Variants in DLG2 observed in about 807,000 individuals in gnomAD.
DLG2 encodes disks large homolog 2.
In DLG2, 45 loss-of-function variants were observed where a neutral mutation model predicts 132.5. The observed-to-expected ratio is 0.34, with a 90% confidence interval of 0.27 to 0.44. The LOEUF (loss-of-function observed/expected upper bound fraction) is 0.44, where lower values mean the gene tolerates loss of function less well. Ranked by LOEUF, DLG2 falls within the 20% of genes least tolerant of loss-of-function variation. The pLI, the probability that DLG2 is intolerant of heterozygous loss-of-function variation, is 1.00. For synonymous variants in DLG2, 424 were observed against 419.6 expected, an observed-to-expected ratio of 1.01 and a Z score of -0.13; for missense variants, 1,045 against 1,196.9, an observed-to-expected ratio of 0.87 and a Z score of 1.87.
In DLG2 at chr11:84,131,509, T is replaced by TTTCA. The variant is rs539584408; in HGVS notation, c.624+31948_624+31951dup. On this transcript the variant is annotated intron_variant, in intron 9 of 27. Coordinates refer to ENST00000376104, the MANE Select transcript of DLG2 (RefSeq NM_001142699.3). ...TTGGTGTTTCTTTCACCCTATAGAA[T>TTTCA]TTCATTCATTCATTCATTCATATTT... Among the ~76,000 whole-genome samples, 518 of 152,036 alleles carry TTTCA rather than the reference T, an allele frequency of 3.4e-3. 3 individuals are homozygous for TTTCA. The highest frequency in any genetic ancestry group is 0.012 in the African/African-American group (485 of 41,498).
At chr11:84,147,860 G>A (rs370787017) in intron 9 of DLG2, among the ~76,000 whole-genome samples, 23 of 151,900 alleles carry the variant, frequency 1.5e-4, no homozygotes, top group East Asian at 5.8e-4. Flanking sequence ...AAAAAGGTGG[G>A]GGTAGATAAA....
In DLG2 at chr11:85,026,693, C is replaced by T. The variant is rs572779506; in HGVS notation, c.357+84968G>A. ...TCTACTAAAAACACAACAAATTAGC[C>T]GGGCGTGGTGGCGGGCGCCTGTAGT... is the stretch of plus-strand genomic sequence containing the variant. On this transcript the variant is annotated intron_variant, in intron 6 of 27. Coordinates refer to ENST00000376104, the MANE Select transcript of DLG2 (RefSeq NM_001142699.3). Among the ~76,000 whole-genome samples, 233 of 151,948 alleles carry T rather than the reference C, an allele frequency of 1.5e-3. 1 individual carries two copies. The highest frequency in any genetic ancestry group is 2.9e-3 in the South Asian group (14 of 4,810).
intron 18 of DLG2, among the ~76,000 whole-genome samples, chr11:83,663,725 T>G (rs1372504860): frequency 6.6e-6 from 1 of 152,214 alleles, no homozygotes; most frequent in Non-Finnish European, 1.5e-5. Flanking sequence ...CCTTAATGCC[T>G]GGTTCCCTCC....
intron 7 of DLG2, among the ~76,000 whole-genome samples, chr11:84,291,397 T>C (rs555707865): frequency 6.6e-6 from 1 of 152,298 alleles, no homozygotes; most frequent in South Asian, 2.1e-4. Flanking sequence ...TTTTGAGTTA[T>C]CATTAATGAG....
At chr11:84,510,414 G>A (rs553867333) in intron 7 of DLG2, among the ~76,000 whole-genome samples, 25 of 152,080 alleles carry the variant, frequency 1.6e-4, no homozygotes, top group African/African-American at 5.3e-4. Context: ...AAATGAAAGC[G>A]CCAGAAATTC....
intron 7 of DLG2, among the ~76,000 whole-genome samples, chr11:84,297,790 C>T (rs1429949152): frequency 6.6e-6 from 1 of 151,996 alleles, no homozygotes; most frequent in East Asian, 1.9e-4. Flanking sequence ...TATTCTCAGC[C>T]TTCTTCTTGA....
chr11:84,877,511 G>GAT (rs1318042792), intron 6 of DLG2, among the ~76,000 whole-genome samples: 1 of 49,428 alleles, frequency 2.0e-5, no homozygotes, highest in African/African-American at 7.0e-5. Context: ...TGCAACCCCT[G>GAT]CTTTTTTTTT....
rs540415306 is a variant in DLG2, at chr11:84,271,119, T to A, written c.520-19828A>T. 2.6e-5 allele frequency among the ~76,000 whole-genome samples: 4 copies of A among 152,298 alleles called. No individual in the cohort carries two copies. The South Asian group carries it at 8.3e-4, about 32-fold the overall frequency. On this transcript the variant is annotated intron_variant, in intron 7 of 27. Transcript: ENST00000376104. Reference sequence around the variant, plus strand: ...TGAGGGTCAGTTTATAAAGAGTTATTCTTAACTGATAATATTTTAATAATG... The same window carrying A: ...TGAGGGTCAGTTTATAAAGAGTTATACTTAACTGATAATATTTTAATAATG...
rs2066958515 is a variant in DLG2 at position 84,756,906 on chromosome 11, A to G, written c.358-222175T>C. Among the ~76,000 whole-genome samples the G allele has an allele frequency of 1.3e-5, 2 of 152,196 alleles. 1 individual carries two copies. The highest frequency in any genetic ancestry group is 4.1e-4 in the South Asian group (2 of 4,828). On this transcript the variant is annotated intron_variant, in intron 6 of 27. Transcript: ENST00000376104. ...ATTTCCCCTAAACTGGATAAGAAATACTACAAGGCATTACAACTCCCAATG... is the reference window on the plus strand; with the variant it reads ...ATTTCCCCTAAACTGGATAAGAAATGCTACAAGGCATTACAACTCCCAATG...
Position 84,136,327 on chromosome 11 carries a change from AAATTTG to A in DLG2, c.624+27128_624+27133del, listed in dbSNP as rs1270623536. Among the ~76,000 whole-genome samples, 6 of 152,290 alleles carry A rather than the reference AAATTTG, an allele frequency of 3.9e-5. No individual in the cohort carries two copies. In the East Asian group the frequency reaches 1.2e-3, roughly 29 times the overall value. On this transcript the variant is annotated intron_variant, in intron 9 of 27. Coordinates refer to ENST00000376104, the MANE Select transcript of DLG2 (RefSeq NM_001142699.3). ...TACCATTTAATAAAAATGTGATTAT[AAATTTG>A]AGTTACTTTACTAAAATCTTTTGTT... is the stretch of plus-strand genomic sequence containing the variant.
At chr11:85,181,939 T>C (rs1022798160) in intron 4 of DLG2, among the ~76,000 whole-genome samples, 3 of 151,894 alleles carry the variant, frequency 2.0e-5, no homozygotes, top group African/African-American at 7.2e-5. Context: ...GCAAGGAGAC[T>C]GCATAGCATT....
chr11:84,398,556 A>T (rs2098818767), intron 7 of DLG2, among the ~76,000 whole-genome samples: 1 of 152,212 alleles, frequency 6.6e-6, no homozygotes, highest in African/African-American at 2.4e-5. Context: ...GATTTGCAAT[A>T]AATGCATTTG....
chr11:85,291,736 C>T (rs1429607388), intron 3 of DLG2, among the ~76,000 whole-genome samples: 1 of 152,076 alleles, frequency 6.6e-6, no homozygotes, highest in Non-Finnish European at 1.5e-5. Context: ...AGGTGCCCAA[C>T]ACCATGCCCA....
chr11:84,213,394 T>A (rs920262709), intron 8 of DLG2, among the ~76,000 whole-genome samples: 1 of 152,184 alleles, frequency 6.6e-6, no homozygotes, highest in Non-Finnish European at 1.5e-5. Flanking sequence ...GTCTATTGAA[T>A]AAATTAATGA....
chr11:85,427,828 T>A (rs1224351671), intron 3 of DLG2, among the ~76,000 whole-genome samples: 10 of 152,164 alleles, frequency 6.6e-5, no homozygotes, highest in African/African-American at 2.4e-4. Context: ...AGACACAGAC[T>A]GGCAAATTGG....
At chr11:85,092,086 T>C (rs1334174152) in intron 6 of DLG2, among the ~76,000 whole-genome samples, 1 of 152,230 alleles carries the variant, frequency 6.6e-6, no homozygotes, top group Non-Finnish European at 1.5e-5. Flanking sequence ...TTAAAATTAC[T>C]CCTTGATCCA....
At chr11:84,182,139 T>C (rs1042708413) in intron 8 of DLG2, among the ~76,000 whole-genome samples, 8 of 151,984 alleles carry the variant, frequency 5.3e-5, no homozygotes, top group African/African-American at 1.7e-4. Context: ...ATAAAACAAA[T>C]CTTAACAAGT....
chr11:83,930,584 G>T, intron 14 of DLG2, 101 bp from the exon 15 acceptor site: 3 of 1,211,130 alleles, frequency 2.5e-6, no homozygotes, highest in East Asian at 2.5e-5. Flanking sequence ...TAAAAACAAT[G>T]CCATTTTATC....
chr11:85,452,356 C>G (rs896669552), intron 3 of DLG2: 1 of 152,864 alleles, frequency 6.5e-6, no homozygotes, highest in Non-Finnish European at 1.5e-5. Context: ...TCCATATCCT[C>G]ACTGGCATCT....
Sources: gnomAD v4.1 joint callset for allele counts (sites outside exome capture counted in the v4.1 genomes callset) on GRCh38, gnomAD v4.1.1 for gene constraint, MANE v1.5 for transcripts, NCBI Gene and HGNC (gene_info 2026-07-23, HGNC 2026-07-21) for gene names.